Variants in ST13 observed in about 807,000 individuals in gnomAD.
ST13 encodes hsc70-interacting protein.
Under a neutral mutation model 56.7 loss-of-function variants are expected in ST13, and 23 were observed. The observed-to-expected ratio is 0.41, with a 90% CI of 0.29 to 0.57. ST13 has a LOEUF of 0.57. ST13 is among the 20% of genes least tolerant of loss of function. The probability of loss-of-function intolerance (pLI) is 0.36; values close to 1 mark genes in which losing one functional copy is unlikely to be tolerated. For missense variants in ST13, 369 were observed against 459.9 expected (o/e 0.80, Z 1.81); for synonymous variants, 132 against 142.4 (o/e 0.93, Z 0.52).
rs2057857731 is a variant in ST13 at position 40,850,853 on chromosome 22, A to G, written c.138T>C (p.Thr46=). 4 of 1,605,084 alleles carry G rather than the reference A, an allele frequency of 2.5e-6. No individual in the cohort carries two copies. The highest frequency in any genetic ancestry group is 3.4e-6 in the Non-Finnish European group (4 of 1,177,142). The change falls in exon 2 of 12, where the codon ACT becomes ACC. Residue 46 remains threonine (T), a synonymous_variant. Transcript: ENST00000216218. ...TATTTTCTTCTGATTTAGCTTTCTG[A>G]GTAGCAGGTGGTACTTTACCACCCA... The part of the protein sequence containing the change: ...ESMGGKVPPA[T]QKAKSEENTK...
At chr22:40,831,079 G>T in intron 8 of ST13, 123 bp from the exon 9 acceptor site, 1 of 693,452 alleles carries the variant, frequency 1.4e-6, no homozygotes, top group Non-Finnish European at 2.4e-6. Flanking sequence ...GATTTGTCTT[G>T]TACAAAAAGA....
intron 7 of ST13, 183 bp downstream of exon 7, chr22:40,835,375 TTC>T (rs1348170708): frequency 2.3e-5 from 11 of 471,002 alleles, no homozygotes; most frequent in Non-Finnish European, 3.9e-5. Flanking sequence ...TCTTTTAAAT[TTC>T]TTTTTTTTTT....
At chr22:40,843,299 C>A (rs1241860078) in intron 4 of ST13, among the ~76,000 whole-genome samples, 2 of 152,066 alleles carry the variant, frequency 1.3e-5, no homozygotes, top group Non-Finnish European at 2.9e-5. Context: ...GGGAAAAAAA[C>A]CAATGGAAGC....
intron 3 of ST13, among the ~76,000 whole-genome samples, 161 bp downstream of exon 3, chr22:40,848,131 CAT>C (rs754525837): frequency 3.3e-5 from 5 of 152,206 alleles, no homozygotes; most frequent in Admixed American, 6.5e-5. Flanking sequence ...GAATTTATTT[CAT>C]GTTTCCTTTT....
chr22:40,855,011 TTGGTGGGGAGCTAAAAATTGAAA>T (rs1569007446), intron 1 of ST13, among the ~76,000 whole-genome samples: 1 of 152,164 alleles, frequency 6.6e-6, no homozygotes, highest in African/African-American at 2.4e-5. Flanking sequence ...AGTTAGACAA[TTGGTGGGGAGCTAAAAATTGAAA>T]AACTTCTTAG....
intron 7 of ST13, among the ~76,000 whole-genome samples, chr22:40,832,903 AAAAC>A (rs1310293695): frequency 5.3e-5 from 8 of 152,266 alleles, no homozygotes; most frequent in Non-Finnish European, 1.0e-4. Context: ...TAAAAGCTAA[AAAAC>A]AAACAAAATC....
chr22:40,853,130 C>T (rs1475364667), intron 1 of ST13, among the ~76,000 whole-genome samples: 1 of 152,142 alleles, frequency 6.6e-6, no homozygotes, highest in African/African-American at 2.4e-5. Flanking sequence ...GACTACGTGA[C>T]ATGGCAACTA....
chr22:40,850,575 T>C (rs564180553), intron 2 of ST13, among the ~76,000 whole-genome samples: 1 of 152,346 alleles, frequency 6.6e-6, no homozygotes, highest in South Asian at 2.1e-4. Context: ...TTACAGGCCA[T>C]ACATGTAACT....
chr22:40,836,011 A>T, intron 5 of ST13, 124 bp from the exon 6 acceptor site: 2 of 756,358 alleles, frequency 2.6e-6, no homozygotes, highest in East Asian at 2.8e-5. Flanking sequence ...TAAAAAAGAC[A>T]ACTAAGTTAT....
At chr22:40,828,039 C>A (rs1366034535) in intron 10 of ST13, among the ~76,000 whole-genome samples, 1 of 152,162 alleles carries the variant, frequency 6.6e-6, no homozygotes, top group African/African-American at 2.4e-5. Context: ...TAGCATAGAT[C>A]TTCCTTCAGT....
intron 2 of ST13, 119 bp downstream of exon 2, chr22:40,850,704 A>C: frequency 1.3e-6 from 1 of 740,786 alleles, no homozygotes; most frequent in South Asian, 1.8e-5. Flanking sequence ...AAAAGGTCTT[A>C]TTTCCAAGTG....
chr22:40,845,747 G>C (rs1380662752), intron 3 of ST13, among the ~76,000 whole-genome samples: 1 of 150,960 alleles, frequency 6.6e-6, no homozygotes, highest in South Asian at 2.1e-4. Flanking sequence ...ACACACGCAC[G>C]TATCATTTAA....
At chr22:40,842,857 T>C (rs2057811126) in intron 4 of ST13, among the ~76,000 whole-genome samples, 1 of 152,232 alleles carries the variant, frequency 6.6e-6, no homozygotes, top group Non-Finnish European at 1.5e-5. Flanking sequence ...TTAACAAAAA[T>C]GCACAAGACT....
At chr22:40,854,720 C>T (rs936820607) in intron 1 of ST13, 6 of 152,182 alleles carry the variant, frequency 3.9e-5, no homozygotes, top group African/African-American at 1.4e-4. Flanking sequence ...CTATTTTCTT[C>T]CTGTGATACT....
chr22:40,833,564 CAAAAAA>C (rs138336), intron 7 of ST13, among the ~76,000 whole-genome samples: 1 of 115,414 alleles, frequency 8.7e-6, no homozygotes, highest in Non-Finnish European at 1.8e-5. Flanking sequence ...GACTCCATCT[CAAAAAA>C]AAAAAAAAAA....
chr22:40,842,165 T>C (rs2057807865), intron 4 of ST13, among the ~76,000 whole-genome samples: 1 of 152,208 alleles, frequency 6.6e-6, no homozygotes. Context: ...AAAAACACCA[T>C]GCTGAGACTT....
intron 9 of ST13, among the ~76,000 whole-genome samples, chr22:40,830,414 C>T (rs1263424270): frequency 2.0e-5 from 3 of 152,198 alleles, no homozygotes; most frequent in Admixed American, 1.3e-4. Context: ...CCCACCACAG[C>T]CTCCCAAGAG....
At position 40,835,973 on chromosome 22, in the gene ST13, T is replaced by C. The variant is rs190377064; in HGVS notation, c.383-86A>G. On this transcript the variant is annotated intron_variant, in intron 5 of 11. Coordinates refer to ENST00000216218, the MANE Select transcript of ST13 (RefSeq NM_003932.5). ...TTGATCTGTTATCCAGTTAAGTCTTTTACATTTTTCTTTTAATCAAGTAAA... is the reference window on the plus strand; with the variant it reads ...TTGATCTGTTATCCAGTTAAGTCTTCTACATTTTTCTTTTAATCAAGTAAA... 12 of 1,066,414 alleles carry C rather than the reference T, an allele frequency of 1.1e-5. No homozygotes were observed. The Admixed American group carries it at 1.9e-4, about 17-fold the overall frequency. 66.1% of individuals were successfully genotyped at this position (1,066,414 alleles called of 1,614,324 possible).
At position 40,826,587 on chromosome 22, in the gene ST13, A is replaced by G. The variant is rs761214506; in HGVS notation, c.1061T>C (p.Val354Ala). 2.5e-6 allele frequency: 4 copies of G among 1,602,552 alleles called. No homozygotes were observed. The highest frequency in any genetic ancestry group is 2.5e-6 in the Non-Finnish European group (3 of 1,179,752). ...NMSKYQSNPK[V>A]MNLISKLSAK... ...TGACAATTTACTGATGAGATTCATA[A>G]CCTTTGGGTTGCTCTGGTATTTTGA... The change falls in exon 12 of 12, where the codon GTT (valine) becomes GCT (alanine). Residue 354 changes from valine to alanine, a missense_variant. By Grantham distance (64) the Val-to-Ala change is moderately conservative (BLOSUM62 0). Coordinates refer to ENST00000216218, the MANE Select transcript of ST13 (RefSeq NM_003932.5).
Sources: allele counts gnomAD v4.1 joint callset (sites outside exome capture counted in the v4.1 genomes callset), GRCh38; gene constraint gnomAD v4.1.1; transcripts MANE v1.5; gene names NCBI Gene and HGNC (gene_info 2026-07-23, HGNC 2026-07-21).